The following GPR12 variants were observed in gnomAD, a reference collection of about 807,000 sequenced individuals.
GPR12 encodes G protein-coupled receptor 12.
In GPR12, 7 loss-of-function variants were observed where a neutral mutation model predicts 18.9. The observed-to-expected ratio is 0.37, with a 90% CI of 0.21 to 0.70. The LOEUF is 0.70. Ranked by LOEUF, GPR12 falls within the 30% of genes least tolerant of loss-of-function variation. The pLI, the probability that GPR12 is intolerant of heterozygous loss-of-function variation, is 0.54. For synonymous variants in GPR12, 201 were observed against 188.6 expected (o/e 1.07, Z -0.54); for missense variants, 327 against 427.7 (o/e 0.76, Z 2.08).
rs531384938 is a variant in GPR12, at chr13:26,757,797, C to G, written c.*1026G>C. On this transcript the variant is annotated 3_prime_UTR_variant, in exon 2 of 2. Coordinates refer to ENST00000405846, the MANE Select transcript of GPR12 (RefSeq NM_005288.4). Reference sequence around the variant, plus strand: ...AAAAACTTGGCCTATAATATTTATTCTAATTATCTCAATCAAGAATAACCA... The same window carrying G: ...AAAAACTTGGCCTATAATATTTATTGTAATTATCTCAATCAAGAATAACCA... 34 of 152,126 alleles carry G rather than the reference C, an allele frequency of 2.2e-4. No individual in the cohort carries two copies. The highest frequency in any genetic ancestry group is 4.0e-4 in the Non-Finnish European group (27 of 68,034). 9.4% of individuals were successfully genotyped at this position (152,126 alleles called of 1,614,324 possible).
chr13:26,757,679 G>C lies in GPR12; in HGVS notation c.*1144C>G, dbSNP rs1297232439. ...ATAGCTGGTATATGTCACAGTCATA[G>C]ATGGACGCTGTGCACTGACAAACAA... On this transcript the variant is annotated 3_prime_UTR_variant, in exon 2 of 2. Transcript: ENST00000405846. The C allele has an allele frequency of 6.6e-6, 1 of 152,210 alleles. No individual in the cohort carries two copies. The highest frequency in any genetic ancestry group is 2.4e-5 in the African/African-American group (1 of 41,436). The allele number at this position is 152,210 out of a possible 1,614,324, so 9.4% of individuals were successfully genotyped here. A position where few individuals can be genotyped will look rare whatever the true frequency, so the allele number is the denominator to read the frequency against.
chr13:26,758,502 C>T lies in GPR12; in HGVS notation c.*321G>A, dbSNP rs1274477303. ...GAAACTCATTTACTTCTAATAACAT[C>T]ATGGGCGTATCATATCCCTTCCTTT... is the stretch of plus-strand genomic sequence containing the variant. On this transcript the variant is annotated 3_prime_UTR_variant, in exon 2 of 2. Coordinates refer to ENST00000405846, the MANE Select transcript of GPR12 (RefSeq NM_005288.4). 1 of 266,566 alleles carries T rather than the reference C, an allele frequency of 3.8e-6. No homozygotes were observed. Among genetic ancestry groups the T allele is most frequent in the East Asian group, 6.7e-5 (1 of 14,894 alleles). 16.5% of individuals were successfully genotyped at this position (266,566 alleles called of 1,614,324 possible). A position where few individuals can be genotyped will look rare whatever the true frequency, so the allele number is the denominator to read the frequency against.
chr13:26,759,291 C>A lies in GPR12; in HGVS notation c.537G>T (p.Trp179Cys). 1 of 1,613,030 alleles carries A rather than the reference C, an allele frequency of 6.2e-7. No individual in the cohort carries two copies. The highest frequency in any genetic ancestry group is 8.5e-7 in the Non-Finnish European group (1 of 1,179,984). The change falls in exon 2 of 2, where the codon TGG becomes TGT. Residue 179 changes from tryptophan (W) to cysteine (C), a missense_variant. Transcript: ENST00000405846. ...ICLGLLPVMG[W>C]NCLRDESTCS... ...AGGTGGACTCGTCTCGGAGGCAGTTCCAGCCCATGACGGGCAGCAGCCCCA... is the reference window on the plus strand; with the variant it reads ...AGGTGGACTCGTCTCGGAGGCAGTTACAGCCCATGACGGGCAGCAGCCCCA...
rs775707683 is a variant in GPR12, at chr13:26,756,097, T to G, written c.*2726A>C. 2.0e-5 allele frequency: 3 copies of G among 152,234 alleles called. No homozygotes were observed. Among genetic ancestry groups the G allele is most frequent in the African/African-American group, 2.4e-5 (1 of 41,452 alleles). 9.4% of individuals were successfully genotyped at this position (152,234 alleles called of 1,614,324 possible). A position where few individuals can be genotyped will look rare whatever the true frequency, so the allele number is the denominator to read the frequency against. Reference sequence around the variant, plus strand: ...TAAACGGTAAAGGCATGTTGTTAGTTGAACTGAAAAATCTCTTAGCTGAAA... The same window carrying G: ...TAAACGGTAAAGGCATGTTGTTAGTGGAACTGAAAAATCTCTTAGCTGAAA... On this transcript the variant is annotated 3_prime_UTR_variant, in exon 2 of 2. Transcript: ENST00000405846.
In GPR12 at chr13:26,757,748, T is replaced by G. The variant is rs1421579580; in HGVS notation, c.*1075A>C. 1 of 152,248 alleles carries G rather than the reference T, an allele frequency of 6.6e-6. No individual in the cohort carries two copies. Among genetic ancestry groups the G allele is most frequent in the Non-Finnish European group, 1.5e-5 (1 of 68,050 alleles). The allele number at this position is 152,248 out of a possible 1,614,324, so 9.4% of individuals were successfully genotyped here. A position where few individuals can be genotyped will look rare whatever the true frequency, so the allele number is the denominator to read the frequency against. On this transcript the variant is annotated 3_prime_UTR_variant, in exon 2 of 2. Coordinates refer to ENST00000405846, the MANE Select transcript of GPR12 (RefSeq NM_005288.4). ...GGGACTGCCTGTTTCAAATGCATTATGCACCACAGACAGTATGAACCAGAA... is the reference window on the plus strand; with the variant it reads ...GGGACTGCCTGTTTCAAATGCATTAGGCACCACAGACAGTATGAACCAGAA...
chr13:26,758,997 G>C lies in GPR12; in HGVS notation c.831C>G (p.Thr277=). The part of the protein sequence containing the change: ...FTLYSLIADY[T]YPSIYTYATL... Reference sequence around the variant, plus strand: ...TGGCGTAGGTATAGATGGAGGGGTAGGTGTAATCCGCTATCAAGGAATAGA... The same window carrying C: ...TGGCGTAGGTATAGATGGAGGGGTACGTGTAATCCGCTATCAAGGAATAGA... Residue 277 remains threonine (T), a synonymous_variant, in exon 2 of 2, where the codon ACC becomes ACG. Coordinates refer to ENST00000405846, the MANE Select transcript of GPR12 (RefSeq NM_005288.4). 6.8e-6 allele frequency: 11 copies of C among 1,613,986 alleles called. No homozygotes were observed. The highest frequency in any genetic ancestry group is 9.3e-6 in the Non-Finnish European group (11 of 1,180,000).
Position 26,757,572 on chromosome 13 carries a change from T to C in GPR12, c.*1251A>G, listed in dbSNP as rs1884398958. 6.6e-6 allele frequency: 1 copy of C among 152,254 alleles called. No individual in the cohort carries two copies. Among genetic ancestry groups the C allele is most frequent in the South Asian group, 2.1e-4 (1 of 4,826 alleles). The allele number at this position is 152,254 out of a possible 1,614,324, so 9.4% of individuals were successfully genotyped here. A position where few individuals can be genotyped will look rare whatever the true frequency, so the allele number is the denominator to read the frequency against. ...GATTTTTATTGTGTATAAATTGGTT[T>C]TTGGTGAAAAGGAGTTAAAAGATTT... On this transcript the variant is annotated 3_prime_UTR_variant, in exon 2 of 2. Coordinates refer to ENST00000405846, the MANE Select transcript of GPR12 (RefSeq NM_005288.4).
rs1338331833 is a variant in GPR12 at position 26,758,170 on chromosome 13, T to C, written c.*653A>G. 6.6e-6 allele frequency: 1 copy of C among 152,186 alleles called. No individual in the cohort carries two copies. Among genetic ancestry groups the C allele is most frequent in the Admixed American group, 6.5e-5 (1 of 15,286 alleles). 9.4% of individuals were successfully genotyped at this position (152,186 alleles called of 1,614,324 possible). A position where few individuals can be genotyped will look rare whatever the true frequency, so the allele number is the denominator to read the frequency against. Reference sequence around the variant, plus strand: ...CGACCATGCAGAAGGAGTTGCAACATTTATAGAAATACCGAAGGAATTCTC... The same window carrying C: ...CGACCATGCAGAAGGAGTTGCAACACTTATAGAAATACCGAAGGAATTCTC... On this transcript the variant is annotated 3_prime_UTR_variant, in exon 2 of 2. Transcript: ENST00000405846.
At chr13:26,759,955 C>G in intron 1 of GPR12, 113 bp from the exon 2 acceptor site, 1 of 1,400,696 alleles carries the variant, frequency 7.1e-7, no homozygotes, top group Non-Finnish European at 9.4e-7. Flanking sequence ...GATACCAGTA[C>G]CAAATGCCAC....
Position 26,758,514 on chromosome 13 carries a change from A to AT in GPR12, c.*308dup, listed in dbSNP as rs2137578374. 6.3e-6 allele frequency: 2 copies of AT among 318,364 alleles called. No individual in the cohort carries two copies. Among genetic ancestry groups the AT allele is most frequent in the South Asian group, 1.6e-4 (2 of 12,530 alleles). The allele number at this position is 318,364 out of a possible 1,614,324, so 19.7% of individuals were successfully genotyped here. On this transcript the variant is annotated 3_prime_UTR_variant, in exon 2 of 2. Transcript: ENST00000405846. ...CTTCTAATAACATCATGGGCGTATC[A>AT]TATCCCTTCCTTTCCTACCCCCAGT...
At position 26,758,478 on chromosome 13, in the gene GPR12, A is replaced by T. The variant is rs1014172677; in HGVS notation, c.*345T>A. ...TTTTAAAGTCCAGGTAAAAACTCTG[A>T]AACTCATTTACTTCTAATAACATCA... On this transcript the variant is annotated 3_prime_UTR_variant, in exon 2 of 2. Coordinates refer to ENST00000405846, the MANE Select transcript of GPR12 (RefSeq NM_005288.4). 74 of 199,672 alleles carry T rather than the reference A, an allele frequency of 3.7e-4. No homozygotes were observed. Among genetic ancestry groups the T allele is most frequent in the African/African-American group, 1.7e-3 (73 of 43,380 alleles). The allele number at this position is 199,672 out of a possible 1,614,324, so 12.4% of individuals were successfully genotyped here. A position where few individuals can be genotyped will look rare whatever the true frequency, so the allele number is the denominator to read the frequency against.
In GPR12 at chr13:26,758,621, T is replaced by G. The variant is rs1488538766; in HGVS notation, c.*202A>C. On this transcript the variant is annotated 3_prime_UTR_variant, in exon 2 of 2. Transcript: ENST00000405846. ...TGTTGAGTGGAGAGCTCAACAATTT[T>G]TTTTAATGGTGAAAACACTGGTAAC... The G allele has an allele frequency of 6.2e-6, 5 of 805,340 alleles. No individual in the cohort carries two copies. The highest frequency in any genetic ancestry group is 9.2e-6 in the Non-Finnish European group (5 of 544,800). 49.9% of individuals were successfully genotyped at this position (805,340 alleles called of 1,614,324 possible). A position where few individuals can be genotyped will look rare whatever the true frequency, so the allele number is the denominator to read the frequency against.
rs562012805 is a variant in GPR12 at position 26,755,210 on chromosome 13, G to A, written c.*3613C>T. On this transcript the variant is annotated 3_prime_UTR_variant, in exon 2 of 2. Coordinates refer to ENST00000405846, the MANE Select transcript of GPR12 (RefSeq NM_005288.4). Reference sequence around the variant, plus strand: ...AATAATTATGACAAATTTTAAAGGGGACAATAAGGCAGTCTTTTCCTTTAT... The same window carrying A: ...AATAATTATGACAAATTTTAAAGGGAACAATAAGGCAGTCTTTTCCTTTAT... 1 of 152,210 alleles carries A rather than the reference G, an allele frequency of 6.6e-6. No homozygotes were observed. Among genetic ancestry groups the A allele is most frequent in the Admixed American group, 6.5e-5 (1 of 15,282 alleles). The allele number at this position is 152,210 out of a possible 1,614,324, so 9.4% of individuals were successfully genotyped here. A position where few individuals can be genotyped will look rare whatever the true frequency, so the allele number is the denominator to read the frequency against.
chr13:26,758,725 A>C lies in GPR12; in HGVS notation c.*98T>G. ...ATGCTAAGTGCTCCTGTGGCTTGAGAGGGAATCCAATGCAAGGAATTCAAG... is the reference window on the plus strand; with the variant it reads ...ATGCTAAGTGCTCCTGTGGCTTGAGCGGGAATCCAATGCAAGGAATTCAAG... On this transcript the variant is annotated 3_prime_UTR_variant, in exon 2 of 2. Transcript: ENST00000405846. The C allele has an allele frequency of 2.7e-6, 4 of 1,477,194 alleles. No individual in the cohort carries two copies. The highest frequency in any genetic ancestry group is 3.6e-6 in the Non-Finnish European group (4 of 1,113,096). The allele number at this position is 1,477,194 out of a possible 1,614,324, so 91.5% of individuals were successfully genotyped here. A position where few individuals can be genotyped will look rare whatever the true frequency, so the allele number is the denominator to read the frequency against.
intron 1 of GPR12, chr13:26,760,282 C>T (rs74040560): frequency 0.015 from 2,645 of 172,816 alleles, 85 homozygotes; most frequent in African/African-American, 0.061. Flanking sequence ...ATTTAAATCG[C>T]CTATTTCCAT....
chr13:26,759,912 C>T (rs1323143024), intron 1 of GPR12, 70 bp from the exon 2 acceptor site: 2 of 1,481,864 alleles, frequency 1.3e-6, no homozygotes, highest in East Asian at 2.3e-5. Context: ...ATGCAAAAAA[C>T]ACACAGACAA....
In GPR12 at chr13:26,760,132, G is replaced by T. The variant is rs543418493; in HGVS notation, c.-15-290C>A. On this transcript the variant is annotated intron_variant, in intron 1 of 1. Coordinates refer to ENST00000405846, the MANE Select transcript of GPR12 (RefSeq NM_005288.4). ...CACACGGACTCGCGGCGGTCTGTTTGCAACAGCGCTGGGAATGCACATTGG... is the reference window on the plus strand; with the variant it reads ...CACACGGACTCGCGGCGGTCTGTTTTCAACAGCGCTGGGAATGCACATTGG... 368 of 301,382 alleles carry T rather than the reference G, an allele frequency of 1.2e-3. 2 individuals carry two copies. The highest frequency in any genetic ancestry group is 7.2e-3 in the African/African-American group (337 of 46,980). 18.7% of individuals were successfully genotyped at this position (301,382 alleles called of 1,614,324 possible). A position where few individuals can be genotyped will look rare whatever the true frequency, so the allele number is the denominator to read the frequency against.
In GPR12 at chr13:26,759,422, C is replaced by T. The variant is rs765578377; in HGVS notation, c.406G>A (p.Val136Ile). 7.4e-6 allele frequency: 12 copies of T among 1,613,904 alleles called. No homozygotes were observed. The East Asian group carries it at 2.2e-4, about 30-fold the overall frequency. ...TAGTACAGTGAGAGGTAGCGGTCAA[C>T]AGTGATAGCCAGCAAGCTGCAGACA... is the stretch of plus-strand genomic sequence containing the variant. Reference protein sequence around the residue: ...ASVCSLLAITVDRYLSLYYAL... With the variant: ...ASVCSLLAITIDRYLSLYYAL... Residue 136 changes from valine to isoleucine, a missense_variant, in exon 2 of 2, where the codon GTT becomes ATT. Physicochemically the swap from Val to Ile is conservative, Grantham distance 29. Coordinates refer to ENST00000405846, the MANE Select transcript of GPR12 (RefSeq NM_005288.4).
Position 26,758,605 on chromosome 13 carries a change from G to C in GPR12, c.*218C>G. 2 of 660,736 alleles carry C rather than the reference G, an allele frequency of 3.0e-6. No individual in the cohort carries two copies. Among genetic ancestry groups the C allele is most frequent in the Non-Finnish European group, 4.8e-6 (2 of 415,976 alleles). The allele number at this position is 660,736 out of a possible 1,614,324, so 40.9% of individuals were successfully genotyped here. A position where few individuals can be genotyped will look rare whatever the true frequency, so the allele number is the denominator to read the frequency against. The stretch of plus-strand genomic sequence containing the variant: ...AAGCAAAACAAAATAATGTTGAGTG[G>C]AGAGCTCAACAATTTTTTTTAATGG... On this transcript the variant is annotated 3_prime_UTR_variant, in exon 2 of 2. Transcript: ENST00000405846.
Sources: gnomAD v4.1 joint callset for allele counts on GRCh38, gnomAD v4.1.1 for gene constraint, MANE v1.5 for transcripts, NCBI Gene and HGNC (gene_info 2026-07-23, HGNC 2026-07-21) for gene names.